Variants in SCAMP5 observed in about 807,000 individuals in gnomAD.
SCAMP5 encodes secretory carrier membrane protein 5.
A neutral mutation model predicts 28.3 loss-of-function variants in SCAMP5; 7 were observed. The ratio of observed to expected loss-of-function variants is 0.25; its 90% CI spans 0.14 to 0.46. The LOEUF (loss-of-function observed/expected upper bound fraction) is 0.46, where lower values mean the gene tolerates loss of function less well. SCAMP5 is among the 20% of genes least tolerant of loss of function. The pLI is 0.99. For missense variants in SCAMP5, 192 were observed against 312.5 expected (o/e 0.61, Z 2.91); for synonymous variants, 117 against 116.4 (o/e 1.00, Z -0.03).
Position 75,016,696 on chromosome 15 carries a change from C to T in SCAMP5, c.240C>T (p.Leu80=), listed in dbSNP as rs1197097286. Residue 80 remains leucine, a synonymous_variant, in exon 4 of 7, where the codon CTC becomes CTT. Coordinates refer to ENST00000425597, the MANE Select transcript of SCAMP5 (RefSeq NM_138967.4). ...NFGLAFLWLI[L]FTPCSYVCWF... ...GCCTCGCCTTTCTCTGGCTCATCCT[C>T]TTCACACCCTGCTCCTACGTCTGCT... The T allele has an allele frequency of 1.2e-6, 2 of 1,613,968 alleles. No homozygotes were observed. The highest frequency in any genetic ancestry group is 1.1e-5 in the South Asian group (1 of 91,080).
In SCAMP5 at chr15:75,018,966, T is replaced by C; in HGVS notation, c.691T>C (p.Tyr231His). The C allele has an allele frequency of 6.6e-7, 1 of 1,524,498 alleles. No individual in the cohort carries two copies. Among genetic ancestry groups the C allele is most frequent in the Non-Finnish European group, 8.7e-7 (1 of 1,144,162 alleles). The allele number at this position is 1,524,498 out of a possible 1,614,324, so 94.4% of individuals were successfully genotyped here. A position where few individuals can be genotyped will look rare whatever the true frequency, so the allele number is the denominator to read the frequency against. Residue 231 changes from tyrosine to histidine, a missense_variant, in exon 7 of 7, where the codon TAC becomes CAC. Transcript: ENST00000425597. The surrounding 1 kb of genome is among the most constrained non-coding windows in gnomAD (Gnocchi z 5.6). ...GTATTCCGCCACCCCCAATTACACG[T>C]ACTCCAATGAGATGTGAACCAGCCA... ...TQYSATPNYT[Y>H]SNEM is the part of the protein sequence containing the mutation.
At position 75,000,683 on chromosome 15, in the gene SCAMP5, CT is replaced by C. The variant is rs58106804; in HGVS notation, c.-49+5029del. On this transcript the variant is annotated intron_variant, in intron 1 of 6. Coordinates refer to ENST00000425597, the MANE Select transcript of SCAMP5 (RefSeq NM_138967.4). ...ACAGGCGTGAGCCATCGCACCCAGCCTTTTTTTTTTTTTTTTTTTGAAGAGA... is the reference window on the plus strand; with the variant it reads ...ACAGGCGTGAGCCATCGCACCCAGCCTTTTTTTTTTTTTTTTTTGAAGAGA... Among the ~76,000 whole-genome samples the C allele has an allele frequency of 5.5e-3, 664 of 120,270 alleles. 12 individuals carry two copies. In the East Asian group the frequency reaches 0.076, roughly 14 times the overall value. The allele number at this position is 120,270 out of a possible 152,430, so 78.9% of individuals were successfully genotyped here.
rs891101930 is a variant in SCAMP5 at position 75,012,755 on chromosome 15, T to C, written c.86T>C (p.Ile29Thr). 2 of 1,613,914 alleles carry C rather than the reference T, an allele frequency of 1.2e-6. No homozygotes were observed. Among genetic ancestry groups the C allele is most frequent in the Non-Finnish European group, 1.7e-6 (2 of 1,179,878 alleles). The change falls in exon 3 of 7, where the codon ATT (isoleucine) becomes ACT (threonine). Residue 29 changes from isoleucine (I) to threonine (T), a missense_variant. Physicochemically the swap from Ile to Thr is moderately conservative, Grantham distance 89 (BLOSUM62 -1). Coordinates refer to ENST00000425597, the MANE Select transcript of SCAMP5 (RefSeq NM_138967.4). ...TTCTACCAAGACTTCGAGGCAGATA[T>C]TCCTCCCCAGCATGTCAGCATGACC... ...PCFYQDFEAD[I>T]PPQHVSMTKR...
Position 75,012,725 on chromosome 15 carries a change from C to G in SCAMP5, c.56C>G (p.Pro19Arg). Residue 19 changes from proline (P) to arginine (R), a missense_variant, in exon 3 of 7, where the codon CCA (proline) becomes CGA (arginine). Coordinates refer to ENST00000425597, the MANE Select transcript of SCAMP5 (RefSeq NM_138967.4). Reference protein sequence around the residue: ...PPLPKFIPLKPCFYQDFEADI... With the variant: ...PPLPKFIPLKRCFYQDFEADI... ...TTGCCCAAATTCATCCCGCTGAAGC[C>G]ATGTTTCTACCAAGACTTCGAGGCA... The G allele has an allele frequency of 6.2e-7, 1 of 1,613,962 alleles. No individual in the cohort carries two copies. Among genetic ancestry groups the G allele is most frequent in the Non-Finnish European group, 8.5e-7 (1 of 1,179,830 alleles).
intron 1 of SCAMP5, among the ~76,000 whole-genome samples, chr15:75,011,078 G>T (rs1022496067): frequency 6.6e-6 from 1 of 152,078 alleles, no homozygotes; most frequent in Non-Finnish European, 1.5e-5. Context: ...GGTGGTGCAT[G>T]CCTGTAGTTC....
rs554502261 is a variant in SCAMP5, at chr15:75,008,498, A to G, written c.-48-3294A>G. 5.8e-4 allele frequency among the ~76,000 whole-genome samples: 79 copies of G among 135,212 alleles called. 1 individual carries two copies. Among genetic ancestry groups the G allele is most frequent in the African/African-American group, 1.7e-3 (61 of 36,244 alleles). The allele number at this position is 135,212 out of a possible 152,430, so 88.7% of individuals were successfully genotyped here. ...ACAGCAGTTTACTGAGCTCATCTTT[A>G]TTCTTTTTTTTTTTTTTTTGAGACA... On this transcript the variant is annotated intron_variant, in intron 1 of 6. Transcript: ENST00000425597.
rs544793376 is a variant in SCAMP5 at position 75,021,311 on chromosome 15, G to A, written c.*2328G>A. Reference sequence around the variant, plus strand: ...TTGTAGGAAGGTCTGGCCTGGGGTCGGGTGAAGGAGGGCCCAGGTCAGTTC... The same window carrying A: ...TTGTAGGAAGGTCTGGCCTGGGGTCAGGTGAAGGAGGGCCCAGGTCAGTTC... On this transcript the variant is annotated 3_prime_UTR_variant, in exon 7 of 7. Coordinates refer to ENST00000425597, the MANE Select transcript of SCAMP5 (RefSeq NM_138967.4). 3 of 152,346 alleles carry A rather than the reference G, an allele frequency of 2.0e-5. No homozygotes were observed. Among genetic ancestry groups the A allele is most frequent in the East Asian group, 3.9e-4 (2 of 5,188 alleles). 9.4% of individuals were successfully genotyped at this position (152,346 alleles called of 1,614,324 possible).
intron 4 of SCAMP5, among the ~76,000 whole-genome samples, chr15:75,017,059 G>A (rs1359414737): frequency 1.3e-5 from 2 of 151,976 alleles, no homozygotes; most frequent in African/African-American, 4.8e-5. Flanking sequence ...AATTTTGCCT[G>A]TGGGGCTGCC....
At position 75,019,085 on chromosome 15, in the gene SCAMP5, TC is replaced by T; in HGVS notation, c.*103del. 1 of 696,328 alleles carries T rather than the reference TC, an allele frequency of 1.4e-6. No individual in the cohort carries two copies. Among genetic ancestry groups the T allele is most frequent in the Non-Finnish European group, 2.3e-6 (1 of 427,022 alleles). The allele number at this position is 696,328 out of a possible 1,614,324, so 43.1% of individuals were successfully genotyped here. ...CCAAGCAGGGTTCCCCCTTCCCTTT[TC>T]TCCTTCCCTACTTTGTACAAAGGAC... On this transcript the variant is annotated 3_prime_UTR_variant, in exon 7 of 7. Coordinates refer to ENST00000425597, the MANE Select transcript of SCAMP5 (RefSeq NM_138967.4).
chr15:75,001,354 C>T (rs2065706503), intron 1 of SCAMP5, among the ~76,000 whole-genome samples: 1 of 149,906 alleles, frequency 6.7e-6, no homozygotes. Context: ...GGGAGGTGTT[C>T]TGTGTTACCA....
chr15:75,018,590 A>C lies in SCAMP5; in HGVS notation c.513+55A>C. 3.9e-6 allele frequency: 5 copies of C among 1,289,466 alleles called. No individual in the cohort carries two copies. Among genetic ancestry groups the C allele is most frequent in the Non-Finnish European group, 5.7e-6 (5 of 884,214 alleles). 79.9% of individuals were successfully genotyped at this position (1,289,466 alleles called of 1,614,324 possible). On this transcript the variant is annotated intron_variant, in intron 6 of 6. Transcript: ENST00000425597. The surrounding 1 kb of genome is among the most constrained non-coding windows in gnomAD (Gnocchi z 5.6). Reference sequence around the variant, plus strand: ...GGCTTTGGGAAGGGGCCATGTTCTGAAACAAGCCCTCCTCCAAGTTGCAAG... The same window carrying C: ...GGCTTTGGGAAGGGGCCATGTTCTGCAACAAGCCCTCCTCCAAGTTGCAAG...
chr15:75,003,900 TA>T (rs1336116309), intron 1 of SCAMP5, among the ~76,000 whole-genome samples: 1 of 152,036 alleles, frequency 6.6e-6, no homozygotes, highest in African/African-American at 2.4e-5. Context: ...CTTTATCTTT[TA>T]TTTTTACTTT....
intron 1 of SCAMP5, among the ~76,000 whole-genome samples, chr15:75,003,082 C>T (rs1406190180): frequency 1.3e-5 from 2 of 152,158 alleles, no homozygotes; most frequent in African/African-American, 4.8e-5. Context: ...AGGCGCACGC[C>T]GTCACACCCG....
At chr15:75,006,901 T>A (rs1375824105) in intron 1 of SCAMP5, among the ~76,000 whole-genome samples, 1 of 152,032 alleles carries the variant, frequency 6.6e-6, no homozygotes, top group Non-Finnish European at 1.5e-5. Context: ...GAGATCATGC[T>A]GCTGCACTCC....
rs71401671 is a variant in SCAMP5 at position 75,020,612 on chromosome 15, T to C, written c.*1629T>C. ...CGTGGGGCTGTTCTGTTCCAAGCAG[T>C]GTGAGAACATGGCTGGTAGAGGCTC... On this transcript the variant is annotated 3_prime_UTR_variant, in exon 7 of 7. Transcript: ENST00000425597. 15,377 of 152,308 alleles carry C rather than the reference T, an allele frequency of 0.1. 993 individuals are homozygous for C. Among genetic ancestry groups the C allele is most frequent in the Middle Eastern group, 0.29 (85 of 294 alleles). 9.4% of individuals were successfully genotyped at this position (152,308 alleles called of 1,614,324 possible). A position where few individuals can be genotyped will look rare whatever the true frequency, so the allele number is the denominator to read the frequency against.
chr15:74,999,306 CTT>C (rs1164875008), intron 1 of SCAMP5, among the ~76,000 whole-genome samples: 1 of 152,200 alleles, frequency 6.6e-6, no homozygotes, highest in Non-Finnish European at 1.5e-5. Flanking sequence ...CACTTTGCCA[CTT>C]TGCCTGTGTG....
At chr15:75,013,359 C>T (rs912639629) in intron 3 of SCAMP5, among the ~76,000 whole-genome samples, 3 of 152,090 alleles carry the variant, frequency 2.0e-5, no homozygotes, top group Non-Finnish European at 2.9e-5. Flanking sequence ...ATTGGCTTGG[C>T]GATTGCTGTG....
At chr15:75,005,981 C>CTTTTT (rs527501720) in intron 1 of SCAMP5, among the ~76,000 whole-genome samples, 10 of 81,002 alleles carry the variant, frequency 1.2e-4, no homozygotes, top group Admixed American at 3.5e-4. Context: ...CTCGGCCTCC[C>CTTTTT]TTTTTTTTTT....
At chr15:75,010,122 G>A (rs2065797656) in intron 1 of SCAMP5, among the ~76,000 whole-genome samples, 1 of 152,120 alleles carries the variant, frequency 6.6e-6, no homozygotes, top group African/African-American at 2.4e-5. Context: ...TTGCTGCTTG[G>A]TTTCCTTGGC....
Sources: allele counts gnomAD v4.1 joint callset (sites outside exome capture counted in the v4.1 genomes callset), GRCh38; gene constraint gnomAD v4.1.1; non-coding constraint Gnocchi (gnomAD v3.1); transcripts MANE v1.5; gene names NCBI Gene and HGNC (gene_info 2026-07-23, HGNC 2026-07-21).